RBFOX2: variants seen among roughly 807,000 people sequenced by gnomAD.
The protein encoded by RBFOX2 is RNA binding protein fox-1 homolog 2.
Under a neutral mutation model 49.1 loss-of-function variants are expected in RBFOX2, and 10 were observed. That is an observed-to-expected ratio of 0.20 (90% CI 0.13 to 0.35). The LOEUF is 0.35. Among genes scored for constraint, RBFOX2 ranks in the 10% least tolerant of loss-of-function variants. The probability of loss-of-function intolerance (pLI) is 1.00; values close to 1 mark genes in which losing one functional copy is unlikely to be tolerated. For missense variants in RBFOX2, 323 were observed against 486.9 expected (o/e 0.66, Z 3.17); for synonymous variants, 183 against 187.4 (o/e 0.98, Z 0.19).
chr22:35,878,664 C>T (rs1415086458), intron 1 of RBFOX2, among the ~76,000 whole-genome samples: 1 of 152,220 alleles, frequency 6.6e-6, no homozygotes, highest in Non-Finnish European at 1.5e-5. Context: ...TGGTCTTGAA[C>T]TCCTGGCCTC....
At chr22:35,875,606 G>A (rs919798958) in intron 1 of RBFOX2, among the ~76,000 whole-genome samples, 1 of 125,064 alleles carries the variant, frequency 8.0e-6, no homozygotes, top group East Asian at 2.5e-4. Flanking sequence ...ATGCTCACAA[G>A]GGTGTGTGTG....
chr22:35,802,458 T>C (rs142671693), intron 2 of RBFOX2, among the ~76,000 whole-genome samples: 12 of 152,262 alleles, frequency 7.9e-5, no homozygotes, highest in South Asian at 2.1e-4. Flanking sequence ...AGACAATAAA[T>C]AGATGTCCTG....
At chr22:35,785,961 A>G (rs1292545048) in intron 2 of RBFOX2, among the ~76,000 whole-genome samples, 1 of 152,234 alleles carries the variant, frequency 6.6e-6, no homozygotes, top group African/African-American at 2.4e-5. Context: ...TTGCCTCTTA[A>G]CATCTCACAG....
intron 1 of RBFOX2, among the ~76,000 whole-genome samples, chr22:35,827,711 ATTAC>A (rs2148601451): frequency 6.6e-6 from 1 of 152,326 alleles, no homozygotes; most frequent in African/African-American, 2.4e-5. Context: ...TTGTATTATA[ATTAC>A]TTACACATCT....
At chr22:35,755,419 G>A (rs752029426) in intron 9 of RBFOX2, among the ~76,000 whole-genome samples, 1 of 152,194 alleles carries the variant, frequency 6.6e-6, no homozygotes. Flanking sequence ...ATGGCTAGTA[G>A]AGTCAGCAAA....
rs9607295 is a variant in RBFOX2, at chr22:35,970,681, G to A, written c.187-31784C>T. On this transcript the variant is annotated intron_variant, in intron 1 of 13. Coordinates refer to the RBFOX2 transcript ENST00000438146. ...ACCCTATCTAAAAAAACAAGAAGAA[G>A]AAATGTGATCATGGTGCTTACGAGA... is the stretch of plus-strand genomic sequence containing the variant. Among the ~76,000 whole-genome samples, 370 of 152,166 alleles carry A rather than the reference G, an allele frequency of 2.4e-3. 2 individuals carry two copies. The highest frequency in any genetic ancestry group is 6.8e-3 in the Middle Eastern group (2 of 294).
At chr22:35,768,855 T>G (rs1292781198) in intron 4 of RBFOX2, among the ~76,000 whole-genome samples, 1 of 152,216 alleles carries the variant, frequency 6.6e-6, no homozygotes, top group Non-Finnish European at 1.5e-5. Context: ...TTTTTTAAAG[T>G]AGGTCTAATC....
chr22:35,788,009 T>C (rs944022258), intron 2 of RBFOX2, among the ~76,000 whole-genome samples: 2 of 152,204 alleles, frequency 1.3e-5, no homozygotes, highest in African/African-American at 4.8e-5. Context: ...CCATCAACAC[T>C]GCACAGGAGG....
rs1332299688 is a variant in RBFOX2 at position 35,784,207 on chromosome 22, T to C, written c.253-2461A>G. ...GAATCTGAAGAGTACATAAGTTAGT[T>C]ACACATTGTCACCAAAGCAGTTAGG... On this transcript the variant is annotated intron_variant, in intron 2 of 11. Transcript: ENST00000405409. Among the ~76,000 whole-genome samples, 4 of 152,190 alleles carry C rather than the reference T, an allele frequency of 2.6e-5. No individual in the cohort carries two copies. In the East Asian group the frequency reaches 5.8e-4, roughly 22 times the overall value.
chr22:35,807,308 G>GA (rs1950936716), intron 2 of RBFOX2, among the ~76,000 whole-genome samples: 2 of 151,974 alleles, frequency 1.3e-5, no homozygotes, highest in Non-Finnish European at 2.9e-5. Flanking sequence ...TCATATTGAT[G>GA]AAAAAACCAA....
intron 1 of RBFOX2, among the ~76,000 whole-genome samples, chr22:35,834,351 T>C (rs553755516): frequency 6.6e-6 from 1 of 152,322 alleles, no homozygotes; most frequent in East Asian, 1.9e-4. Flanking sequence ...CATAAGCATA[T>C]ATAAAGATTA....
chr22:35,770,356 T>A (rs766274041), intron 4 of RBFOX2, among the ~76,000 whole-genome samples: 1 of 152,204 alleles, frequency 6.6e-6, no homozygotes, highest in Non-Finnish European at 1.5e-5. Context: ...ATAGTTGGAT[T>A]ACTATTAAGT....
chr22:35,894,943 A>C (rs2047658228), intron 1 of RBFOX2, among the ~76,000 whole-genome samples: 1 of 151,154 alleles, frequency 6.6e-6, no homozygotes, highest in African/African-American at 2.4e-5. Context: ...TGAGGTGGGG[A>C]GAAACCCCCC....
intron 1 of RBFOX2, among the ~76,000 whole-genome samples, chr22:35,908,083 T>C (rs1386864720): frequency 1.3e-5 from 2 of 152,216 alleles, no homozygotes; most frequent in African/African-American, 4.8e-5. Context: ...TCAACTGGTG[T>C]ATCACTCTGA....
intron 1 of RBFOX2, among the ~76,000 whole-genome samples, chr22:35,833,219 A>C (rs988460683): frequency 2.0e-5 from 3 of 152,224 alleles, no homozygotes; most frequent in Non-Finnish European, 4.4e-5. Flanking sequence ...ATCTATGAGG[A>C]GTAATTCAAG....
exon 5 of RBFOX2, chr22:35,768,337 C>T (rs753800992): frequency 7.4e-6 from 12 of 1,613,768 alleles, no homozygotes; most frequent in Admixed American, 1.7e-5. Context: ...TCGAAAGTTA[C>T]GAACCCGAAT....
intron 1 of RBFOX2, among the ~76,000 whole-genome samples, chr22:35,868,356 T>C (rs559308569): frequency 2.0e-5 from 3 of 152,336 alleles, no homozygotes; most frequent in African/African-American, 7.2e-5. Context: ...AGAACCTTCA[T>C]AGAAAGTGTA....
chr22:35,807,294 C>T (rs918909889), intron 2 of RBFOX2, among the ~76,000 whole-genome samples: 2 of 151,990 alleles, frequency 1.3e-5, no homozygotes, highest in African/African-American at 4.8e-5. Flanking sequence ...CAAAGAGGGA[C>T]ATTTCATATT....
At chr22:35,809,700 C>CT in intron 2 of RBFOX2, 80 bp downstream of exon 3, 1 of 1,445,852 alleles carries the variant, frequency 6.9e-7, no homozygotes, top group Non-Finnish European at 9.7e-7. Flanking sequence ...TTCCGAGAGT[C>CT]TTCTAATTGT....
Sources: gnomAD v4.1 joint callset for allele counts (sites outside exome capture counted in the v4.1 genomes callset) on GRCh38, gnomAD v4.1.1 for gene constraint, MANE v1.5 for transcripts, NCBI Gene and HGNC (gene_info 2026-07-23, HGNC 2026-07-21) for gene names.